Variants in ITFG1 observed in about 807,000 individuals in gnomAD.
The protein encoded by ITFG1 is integrin alpha FG-GAP repeat containing 1.
Under a neutral mutation model 81.8 loss-of-function variants are expected in ITFG1, and 34 were observed. The observed-to-expected ratio is 0.42, with a 90% CI of 0.32 to 0.55. ITFG1 has a LOEUF of 0.55. ITFG1 is among the 20% of genes least tolerant of loss of function. ITFG1 has a pLI of 0.17. For synonymous variants in ITFG1, 285 were observed against 270.6 expected (o/e 1.05, Z -0.52); for missense variants, 672 against 755.4 (o/e 0.89, Z 1.29).
chr16:47,316,610 G>A (rs1467455204), intron 8 of ITFG1, among the ~76,000 whole-genome samples: 2 of 152,180 alleles, frequency 1.3e-5, no homozygotes, highest in African/African-American at 2.4e-5. Flanking sequence ...TGCAGCACAG[G>A]ATACAGTGTA....
chr16:47,349,426 C>T (rs1967915261), intron 8 of ITFG1, among the ~76,000 whole-genome samples: 1 of 152,150 alleles, frequency 6.6e-6, no homozygotes, highest in African/African-American at 2.4e-5. Context: ...TCTGATAAAA[C>T]AGACTTTAAA....
At chr16:47,184,925 TG>T (rs1460435333) in intron 14 of ITFG1, among the ~76,000 whole-genome samples, 1 of 151,384 alleles carries the variant, frequency 6.6e-6, no homozygotes, top group Non-Finnish European at 1.5e-5. Context: ...AATAAAAGGA[TG>T]GAGGAAGATC....
chr16:47,181,724 G>A (rs1274263831), intron 14 of ITFG1, among the ~76,000 whole-genome samples: 1 of 152,214 alleles, frequency 6.6e-6, no homozygotes, highest in African/African-American at 2.4e-5. Context: ...GACAATGGCG[G>A]TTTTGTGGAA....
intron 10 of ITFG1, among the ~76,000 whole-genome samples, chr16:47,280,251 T>C (rs1195599153): frequency 6.6e-6 from 1 of 152,156 alleles, no homozygotes; most frequent in Non-Finnish European, 1.5e-5. Flanking sequence ...TGGCTGTAGA[T>C]TTTTTTATAA....
rs564957733 is a variant in ITFG1, at chr16:47,162,606, A to C, written c.1512T>G (p.Gly504=). 3.7e-6 allele frequency: 6 copies of C among 1,612,936 alleles called. No individual in the cohort carries two copies. In the South Asian group the frequency reaches 6.6e-5, roughly 18 times the overall value. ...LALQLPYNVL[G]LGRSANFLDH... ...CAAGAAAATTTGCGCTCCGACCTAA[A>C]CCAAGCACGTTGTATGGTAGTTGGA... The change falls in exon 15 of 18, where the codon GGT becomes GGG. Residue 504 remains glycine, a synonymous_variant. Transcript: ENST00000320640.
intron 10 of ITFG1, among the ~76,000 whole-genome samples, chr16:47,310,992 A>G (rs1025296812): frequency 2.6e-5 from 4 of 152,106 alleles, no homozygotes; most frequent in Admixed American, 6.6e-5. Context: ...TGAGTGAAAT[A>G]TAACTGTTTG....
intron 10 of ITFG1, among the ~76,000 whole-genome samples, chr16:47,295,532 A>G (rs1015186041): frequency 2.0e-5 from 3 of 152,068 alleles, no homozygotes; most frequent in Admixed American, 1.3e-4. Context: ...ATTTCTTCCT[A>G]TCTTGAGAGG....
chr16:47,355,650 T>C lies in ITFG1; in HGVS notation c.802+10138A>G, dbSNP rs139167044. ...TCACATTGTATCCCACAAATATGTA[T>C]AAGTATTACATGTTAACTAAAAATT... On this transcript the variant is annotated intron_variant, in intron 8 of 17. Coordinates refer to ENST00000320640, the MANE Select transcript of ITFG1 (RefSeq NM_030790.5). 4.3e-3 allele frequency among the ~76,000 whole-genome samples: 659 copies of C among 152,302 alleles called. 6 individuals are homozygous for C. Among genetic ancestry groups the C allele is most frequent in the African/African-American group, 0.015 (624 of 41,558 alleles).
At position 47,174,215 on chromosome 16, in the gene ITFG1, T is replaced by C. The variant is rs1200859383; in HGVS notation, c.1454-11551A>G. Among the ~76,000 whole-genome samples, 4 of 152,160 alleles carry C rather than the reference T, an allele frequency of 2.6e-5. No homozygotes were observed. The South Asian group carries it at 6.2e-4, about 24-fold the overall frequency. On this transcript the variant is annotated intron_variant, in intron 14 of 17. Transcript: ENST00000320640. ...AATGCAGTATAGGAGATATATTACA[T>C]TGTAATAATTCCCATGCATTCTATT... is the stretch of plus-strand genomic sequence containing the variant.
chr16:47,460,255 A>G lies in ITFG1; in HGVS notation c.208+583T>C, dbSNP rs368731108. ...CATTGGGTTTATCAGTGGTCCCTGCAAAATGCTTGTGTGAGCTGTTTAGTG... is the reference window on the plus strand; with the variant it reads ...CATTGGGTTTATCAGTGGTCCCTGCGAAATGCTTGTGTGAGCTGTTTAGTG... On this transcript the variant is annotated intron_variant, in intron 1 of 17. Transcript: ENST00000320640. Among the ~76,000 whole-genome samples, 3 of 152,244 alleles carry G rather than the reference A, an allele frequency of 2.0e-5. No individual in the cohort carries two copies. In the East Asian group the frequency reaches 5.8e-4, roughly 29 times the overall value.
At chr16:47,395,262 G>A (rs889489575) in intron 6 of ITFG1, among the ~76,000 whole-genome samples, 15 of 151,908 alleles carry the variant, frequency 9.9e-5, no homozygotes, top group African/African-American at 3.6e-4. Context: ...TCATTATATT[G>A]TATATTAAAA....
At chr16:47,372,773 C>T (rs1968274062) in intron 7 of ITFG1, among the ~76,000 whole-genome samples, 1 of 152,106 alleles carries the variant, frequency 6.6e-6, no homozygotes, top group African/African-American at 2.4e-5. Context: ...TTATTGCTCA[C>T]CAGAAGAAAA....
chr16:47,432,266 C>T (rs1264540785), intron 5 of ITFG1, among the ~76,000 whole-genome samples: 1 of 152,182 alleles, frequency 6.6e-6, no homozygotes, highest in Non-Finnish European at 1.5e-5. Context: ...TATGTCATCT[C>T]CATAGAGCAA....
chr16:47,433,792 T>TATATATAC lies in ITFG1; in HGVS notation c.561-4895_561-4894insGTATATAT, dbSNP rs1491145615. On this transcript the variant is annotated intron_variant, in intron 5 of 17. Coordinates refer to ENST00000320640, the MANE Select transcript of ITFG1 (RefSeq NM_030790.5). Reference sequence around the variant, plus strand: ...CTGAATATATATATATATATATATATACACACACACACATACACACACGTA... The same window carrying TATATATAC: ...CTGAATATATATATATATATATATATATATATACACACACACACACATACACACACGTA... Among the ~76,000 whole-genome samples, 626 of 135,626 alleles carry TATATATAC rather than the reference T, an allele frequency of 4.6e-3. 7 individuals carry two copies. The highest frequency in any genetic ancestry group is 0.017 in the African/African-American group (602 of 35,296). The allele number at this position is 135,626 out of a possible 152,430, so 89.0% of individuals were successfully genotyped here.
chr16:47,353,420 T>A (rs559972217), intron 8 of ITFG1, among the ~76,000 whole-genome samples: 2 of 151,894 alleles, frequency 1.3e-5, no homozygotes, highest in East Asian at 1.9e-4. Flanking sequence ...AAACCATATA[T>A]GACAAACCTA....
At chr16:47,162,766 T>C (rs1964828503) in intron 14 of ITFG1, 102 bp from the exon 15 acceptor site, 3 of 990,166 alleles carry the variant, frequency 3.0e-6, no homozygotes, top group South Asian at 3.5e-5. Flanking sequence ...TACTGGAATG[T>C]ATCACGTTTC....
At chr16:47,293,932 T>C (rs1419811002) in intron 10 of ITFG1, among the ~76,000 whole-genome samples, 1 of 152,044 alleles carries the variant, frequency 6.6e-6, no homozygotes, top group African/African-American at 2.4e-5. Context: ...TAGTCATGAA[T>C]TAGCTGCCTG....
intron 10 of ITFG1, among the ~76,000 whole-genome samples, chr16:47,286,200 A>G (rs751353008): frequency 1.2e-4 from 19 of 152,196 alleles, no homozygotes; most frequent in Non-Finnish European, 2.1e-4. Flanking sequence ...GCCTCAATCT[A>G]TCCCACAGGA....
intron 8 of ITFG1, among the ~76,000 whole-genome samples, chr16:47,351,206 G>C (rs1422704537): frequency 6.6e-6 from 1 of 152,130 alleles, no homozygotes; most frequent in Admixed American, 6.5e-5. Context: ...GGAAGTTCTG[G>C]CCAGGGCAAT....
Sources: allele counts gnomAD v4.1 joint callset (sites outside exome capture counted in the v4.1 genomes callset), GRCh38; gene constraint gnomAD v4.1.1; transcripts MANE v1.5; gene names NCBI Gene and HGNC (gene_info 2026-07-23, HGNC 2026-07-21).